The following ANKRD11 variants were observed in gnomAD, a reference collection of about 807,000 sequenced individuals.
ANKRD11 encodes the protein ankyrin repeat domain-containing protein 11.
Under a neutral mutation model 195.7 loss-of-function variants are expected in ANKRD11, and 17 were observed. The observed-to-expected ratio is 0.09, with a 90% confidence interval of 0.06 to 0.13. The LOEUF is 0.13. ANKRD11 is among the 10% of genes least tolerant of loss of function. The pLI, the probability that ANKRD11 is intolerant of heterozygous loss-of-function variation, is 1.00. For missense variants in ANKRD11, 3,735 were observed against 3,566.1 expected (o/e 1.05, Z -1.21); for synonymous variants, 1,953 against 1,528.1 (o/e 1.28, Z -6.49).
chr16:89,337,426 A>C (rs1164102254), intron 2 of ANKRD11, among the ~76,000 whole-genome samples: 1 of 43,770 alleles, frequency 2.3e-5, no homozygotes, highest in Non-Finnish European at 4.7e-5. Flanking sequence ...GGTCTAAGCA[A>C]TTCTTTTTTT....
In ANKRD11 at chr16:89,268,286, A is replaced by C. The variant is rs1397018515; in HGVS notation, c.*192T>G. On this transcript the variant is annotated 3_prime_UTR_variant, in exon 13 of 13. Coordinates refer to ENST00000301030, the MANE Select transcript of ANKRD11 (RefSeq NM_013275.6). ...CCCCCGCCGCGGCAGCTGGTAGAGA[A>C]GAGACGTGTTTCACCTCCCCGACGT... 2.0e-5 allele frequency: 7 copies of C among 344,796 alleles called. No individual in the cohort carries two copies. Among genetic ancestry groups the C allele is most frequent in the Admixed American group, 5.4e-5 (1 of 18,450 alleles). 21.4% of individuals were successfully genotyped at this position (344,796 alleles called of 1,614,324 possible).
chr16:89,464,607 TAA>T (rs377695519), intron 1 of ANKRD11, among the ~76,000 whole-genome samples: 4 of 116,384 alleles, frequency 3.4e-5, no homozygotes, highest in Admixed American at 1.9e-4. Context: ...GACTCCATCT[TAA>T]AAAAAAAAAA....
intron 7 of ANKRD11, chr16:89,286,909 T>G (rs1305967632): frequency 7.8e-7 from 1 of 1,289,574 alleles, no homozygotes; most frequent in Admixed American, 2.3e-5. Context: ...TCAAAGAATC[T>G]GTCATAACGT....
At chr16:89,325,494 C>G (rs2037658594) in intron 2 of ANKRD11, among the ~76,000 whole-genome samples, 1 of 147,944 alleles carries the variant, frequency 6.8e-6, no homozygotes, top group African/African-American at 2.5e-5. Flanking sequence ...CACACACACA[C>G]AGAGTAATAA....
chr16:89,285,150 G>A lies in ANKRD11; in HGVS notation c.1392C>T (p.Gly464=), dbSNP rs764118989. The A allele has an allele frequency of 3.7e-6, 6 of 1,613,358 alleles. No individual in the cohort carries two copies. In the African/African-American group the frequency reaches 6.7e-5, roughly 18 times the overall value. ...TCCGCTTTCCGAAGCGAACCTCTCTGCCTTTTGTTTCTTTCTTTCGCTTCT... is the reference window on the plus strand; with the variant it reads ...TCCGCTTTCCGAAGCGAACCTCTCTACCTTTTGTTTCTTTCTTTCGCTTCT... The part of the protein sequence containing the change: ...VKKKRKKETK[G]REVRFGKRSD... Residue 464 remains glycine (G), a synonymous_variant, in exon 9 of 13, where the codon GGC becomes GGT. Transcript: ENST00000301030. This position sits in a 1 kb window ranked among gnomAD's most constrained non-coding sequence, Gnocchi z 5.6.
rs149999383 is a variant in ANKRD11, at chr16:89,369,155, A to G, written c.-60+49129T>C. Among the ~76,000 whole-genome samples the G allele has an allele frequency of 2.6e-3, 393 of 152,312 alleles. 3 individuals are homozygous for G. The highest frequency in any genetic ancestry group is 8.7e-3 in the African/African-American group (362 of 41,578). The stretch of plus-strand genomic sequence containing the variant: ...AGGACCAACCACACCAGATCACAGC[A>G]TAAGCACCCCAAACCCAAGAAGTTT... On this transcript the variant is annotated intron_variant, in intron 2 of 12. Coordinates refer to ENST00000301030, the MANE Select transcript of ANKRD11 (RefSeq NM_013275.6).
intron 5 of ANKRD11, 80 bp downstream of exon 5, chr16:89,290,933 T>C: frequency 6.2e-7 from 1 of 1,610,490 alleles, no homozygotes; most frequent in East Asian, 2.2e-5. Flanking sequence ...TGCACAGGGC[T>C]TGTCCTCAGC....
In ANKRD11 at chr16:89,285,375, T is replaced by A. The variant is rs780992225; in HGVS notation, c.1167A>T (p.Lys389Asn). Residue 389 changes from lysine to asparagine, a missense_variant, in exon 9 of 13, where the codon AAA (lysine) becomes AAT (asparagine). Transcript: ENST00000301030. This position sits in a 1 kb window ranked among gnomAD's most constrained non-coding sequence, Gnocchi z 5.6. ...CAATCGTGTTATTTTTAGTGTAACT[T>A]TTAACCTCCATTTTGGGTATAGAGA... Reference protein sequence around the residue: ...SFISIPKMEVKSYTKNNTIAP... With the variant: ...SFISIPKMEVNSYTKNNTIAP... The A allele has an allele frequency of 4.3e-6, 7 of 1,614,126 alleles. No homozygotes were observed. The highest frequency in any genetic ancestry group is 5.1e-6 in the Non-Finnish European group (6 of 1,180,040).
At chr16:89,466,378 C>T (rs974162242) in intron 1 of ANKRD11, among the ~76,000 whole-genome samples, 1 of 151,960 alleles carries the variant, frequency 6.6e-6, no homozygotes. Context: ...CACAGGGGAC[C>T]GCATGAGGAT....
chr16:89,433,360 C>T (rs1407253654), intron 1 of ANKRD11, among the ~76,000 whole-genome samples: 2 of 152,220 alleles, frequency 1.3e-5, no homozygotes, highest in African/African-American at 2.4e-5. Flanking sequence ...CCGTTGTCTC[C>T]TCTGCAGACT....
intron 7 of ANKRD11, chr16:89,287,298 G>C (rs2034713976): frequency 2.8e-6 from 1 of 356,010 alleles, no homozygotes; most frequent in Non-Finnish European, 5.5e-6. Flanking sequence ...CAAGCTTTAA[G>C]GGCCCATGGG....
At chr16:89,485,783 T>C (rs575297866) in intron 1 of ANKRD11, among the ~76,000 whole-genome samples, 6 of 152,314 alleles carry the variant, frequency 3.9e-5, no homozygotes, top group African/African-American at 1.4e-4. Context: ...GATCATTTTT[T>C]CTTCATTAAA....
chr16:89,407,852 C>CAAAA (rs60723753), intron 2 of ANKRD11, among the ~76,000 whole-genome samples: 6 of 111,412 alleles, frequency 5.4e-5, no homozygotes, highest in African/African-American at 1.3e-4. Context: ...TGTCTCCCTC[C>CAAAA]AAAAAAAAAA....
chr16:89,447,012 C>T (rs1489964307), intron 1 of ANKRD11, among the ~76,000 whole-genome samples: 1 of 152,060 alleles, frequency 6.6e-6, no homozygotes, highest in African/African-American at 2.4e-5. Flanking sequence ...TGGAAAGGAC[C>T]CAACACAACC....
chr16:89,366,758 G>C lies in ANKRD11; in HGVS notation c.-59-49680C>G, dbSNP rs555591546. Among the ~76,000 whole-genome samples, 5 of 152,306 alleles carry C rather than the reference G, an allele frequency of 3.3e-5. No individual in the cohort carries two copies. The South Asian group carries it at 1.0e-3, about 32-fold the overall frequency. On this transcript the variant is annotated intron_variant, in intron 2 of 12. Coordinates refer to ENST00000301030, the MANE Select transcript of ANKRD11 (RefSeq NM_013275.6). ...AACAAAGCAGCTCTCTTGAATGTGT[G>C]CTATGGGTACACCAAGTCCCACTTC...
intron 1 of ANKRD11, among the ~76,000 whole-genome samples, chr16:89,434,595 G>C (rs1352118530): frequency 6.6e-6 from 1 of 152,188 alleles, no homozygotes; most frequent in Non-Finnish European, 1.5e-5. Context: ...CAGAAGGAAA[G>C]CTGGCCCGAC....
intron 1 of ANKRD11, among the ~76,000 whole-genome samples, chr16:89,471,627 A>G (rs945948288): frequency 1.3e-5 from 2 of 151,864 alleles, no homozygotes; most frequent in African/African-American, 4.8e-5. Context: ...TCTACTAAAA[A>G]TACAAAAATT....
At chr16:89,391,956 C>T (rs1046017100) in intron 2 of ANKRD11, among the ~76,000 whole-genome samples, 5 of 152,348 alleles carry the variant, frequency 3.3e-5, no homozygotes, top group African/African-American at 7.2e-5. Context: ...CATTAGGTCA[C>T]GGCCTGTTCC....
intron 2 of ANKRD11, among the ~76,000 whole-genome samples, chr16:89,342,033 C>CTGCA: frequency 1.1e-5 from 1 of 87,018 alleles, no homozygotes; most frequent in African/African-American, 4.1e-5. Flanking sequence ...ACCTCCACTG[C>CTGCA]CCACAGCGGC....
Sources: allele counts gnomAD v4.1 joint callset (sites outside exome capture counted in the v4.1 genomes callset), GRCh38; gene constraint gnomAD v4.1.1; non-coding constraint Gnocchi (gnomAD v3.1); transcripts MANE v1.5; gene names NCBI Gene and HGNC (gene_info 2026-07-23, HGNC 2026-07-21).